The following SLC25A21 variants were observed in gnomAD, a reference collection of about 807,000 sequenced individuals.
SLC25A21 encodes the protein mitochondrial 2-oxodicarboxylate carrier.
In SLC25A21, 47 loss-of-function variants were observed where a neutral mutation model predicts 43.8. The observed-to-expected ratio is 1.07, with a 90% CI of 0.85 to 1.37. The LOEUF is 1.37. Ranked by LOEUF, SLC25A21 falls within the 40% of genes most tolerant of loss-of-function variation. The probability of loss-of-function intolerance (pLI) is 0.00; values close to 1 mark genes in which losing one functional copy is unlikely to be tolerated. For synonymous variants in SLC25A21, 131 were observed against 121.3 expected, an observed-to-expected ratio of 1.08 and a Z score of -0.52; for missense variants, 352 against 350.2, an observed-to-expected ratio of 1.00 and a Z score of -0.04.
chr14:37,099,714 A>G (rs946455224), intron 1 of SLC25A21, among the ~76,000 whole-genome samples: 4 of 152,146 alleles, frequency 2.6e-5, no homozygotes, highest in Non-Finnish European at 5.9e-5. Context: ...GGCAGGCTCC[A>G]TATTGGGAAC....
chr14:36,942,547 A>C (rs1208051454), intron 1 of SLC25A21, among the ~76,000 whole-genome samples: 1 of 152,228 alleles, frequency 6.6e-6, no homozygotes, highest in Admixed American at 6.5e-5. Flanking sequence ...TGGAGTAATT[A>C]ATCCTAACTA....
At chr14:37,132,897 AT>A (rs1963414955) in intron 1 of SLC25A21, among the ~76,000 whole-genome samples, 2 of 151,620 alleles carry the variant, frequency 1.3e-5, no homozygotes. Flanking sequence ...TACCAAGCTA[AT>A]TTTTGTATTT....
chr14:36,798,918 CAGAGAG>C (rs56836937), intron 3 of SLC25A21, among the ~76,000 whole-genome samples: 1 of 148,350 alleles, frequency 6.7e-6, no homozygotes, highest in African/African-American at 2.6e-5. Flanking sequence ...GAGAGAGAGA[CAGAGAG>C]AGAGAGAAAG....
intron 1 of SLC25A21, among the ~76,000 whole-genome samples, chr14:37,136,425 T>G (rs1963480563): frequency 6.6e-6 from 1 of 152,170 alleles, no homozygotes; most frequent in Non-Finnish European, 1.5e-5. Flanking sequence ...GGAAACATTT[T>G]TTTTCCTGTC....
intron 3 of SLC25A21, among the ~76,000 whole-genome samples, chr14:36,811,088 G>A (rs923563824): frequency 6.6e-6 from 1 of 152,098 alleles, no homozygotes; most frequent in Admixed American, 6.5e-5. Context: ...AGAGACCAGA[G>A]TGTGGCAAAC....
At chr14:36,704,229 G>A (rs1883400108) in intron 7 of SLC25A21, among the ~76,000 whole-genome samples, 1 of 152,216 alleles carries the variant, frequency 6.6e-6, no homozygotes, top group Non-Finnish European at 1.5e-5. Context: ...GGATACGAAA[G>A]GGAGGATCAG....
chr14:36,750,614 C>G (rs934307887), intron 3 of SLC25A21, among the ~76,000 whole-genome samples: 4 of 152,040 alleles, frequency 2.6e-5, no homozygotes, highest in African/African-American at 9.7e-5. Context: ...AATTCTTGGG[C>G]CTTATTTCCA....
chr14:36,841,142 C>T lies in SLC25A21; in HGVS notation c.120-27141G>A, dbSNP rs17105487. On this transcript the variant is annotated intron_variant, in intron 2 of 9. Transcript: ENST00000331299. ...AAGTATCAACATGCCCTTAGTTTGT[C>T]GATTACATGTAGTGTGTAAGGATTT... Among the ~76,000 whole-genome samples, 1,106 of 152,176 alleles carry T rather than the reference C, an allele frequency of 7.3e-3. 19 individuals carry two copies. Among genetic ancestry groups the T allele is most frequent in the African/African-American group, 0.025 (1,055 of 41,494 alleles).
chr14:37,118,525 C>G (rs914356885), intron 1 of SLC25A21, among the ~76,000 whole-genome samples: 3 of 152,192 alleles, frequency 2.0e-5, no homozygotes, highest in African/African-American at 7.2e-5. Context: ...TGCAGTTCCC[C>G]TGCCTTGATA....
At chr14:36,835,581 C>T (rs1217144397) in intron 2 of SLC25A21, among the ~76,000 whole-genome samples, 2 of 152,144 alleles carry the variant, frequency 1.3e-5, no homozygotes, top group Non-Finnish European at 2.9e-5. Context: ...AACGTTTAGC[C>T]CACAGAAGAG....
In SLC25A21 at chr14:36,679,508, A is replaced by C; in HGVS notation, c.*1150T>G. The C allele has an allele frequency of 1.0e-6, 1 of 985,422 alleles. No homozygotes were observed. Among genetic ancestry groups the C allele is most frequent in the East Asian group, 1.1e-4 (1 of 8,818 alleles). The allele number at this position is 985,422 out of a possible 1,614,324, so 61.0% of individuals were successfully genotyped here. On this transcript the variant is annotated 3_prime_UTR_variant, in exon 10 of 10. Transcript: ENST00000331299. ...TTTACTGAATCAGCATCATCTCTGGATGCAGATATAAAATCAAGTTTGGTT... is the reference window on the plus strand; with the variant it reads ...TTTACTGAATCAGCATCATCTCTGGCTGCAGATATAAAATCAAGTTTGGTT...
chr14:36,820,979 A>G (rs1411829819), intron 2 of SLC25A21, among the ~76,000 whole-genome samples: 1 of 152,240 alleles, frequency 6.6e-6, no homozygotes, highest in Middle Eastern at 3.2e-3. Flanking sequence ...AAGATTAAAT[A>G]AATAAAGATT....
At chr14:37,097,388 C>A (rs1962719538) in intron 1 of SLC25A21, among the ~76,000 whole-genome samples, 1 of 152,190 alleles carries the variant, frequency 6.6e-6, no homozygotes, top group South Asian at 2.1e-4. Flanking sequence ...ATGTGAGCCA[C>A]CGCACTCGGC....
intron 1 of SLC25A21, among the ~76,000 whole-genome samples, chr14:37,170,662 C>T (rs1049181623): frequency 6.6e-6 from 1 of 151,898 alleles, no homozygotes; most frequent in African/African-American, 2.4e-5. Context: ...GGTGGTGGCT[C>T]ACGCCTGTAG....
intron 2 of SLC25A21, among the ~76,000 whole-genome samples, chr14:36,869,656 G>T (rs145559294): frequency 3.6e-4 from 55 of 152,274 alleles, no homozygotes; most frequent in African/African-American, 1.3e-3. Flanking sequence ...GAGACTATAA[G>T]AACAGCTTCA....
At chr14:37,143,014 G>A (rs960911491) in intron 1 of SLC25A21, among the ~76,000 whole-genome samples, 1 of 152,162 alleles carries the variant, frequency 6.6e-6, no homozygotes, top group East Asian at 1.9e-4. Flanking sequence ...GGTAGTGACA[G>A]AATAACCACA....
chr14:36,776,541 C>G (rs1330723656), intron 3 of SLC25A21, among the ~76,000 whole-genome samples: 1 of 151,886 alleles, frequency 6.6e-6, no homozygotes, highest in Admixed American at 6.6e-5. Context: ...CGCGCCCGGC[C>G]CCAACTGCTT....
intron 1 of SLC25A21, among the ~76,000 whole-genome samples, chr14:36,975,397 G>T (rs1160399270): frequency 6.6e-6 from 1 of 152,120 alleles, no homozygotes; most frequent in Non-Finnish European, 1.5e-5. Context: ...ATTGTAAAAA[G>T]TCATTGGAAT....
chr14:36,715,501 C>G (rs559923300), intron 6 of SLC25A21, among the ~76,000 whole-genome samples: 1 of 152,240 alleles, frequency 6.6e-6, no homozygotes, highest in African/African-American at 2.4e-5. Context: ...AGCAGGTCAC[C>G]CACTAGCTCA....
Sources: gnomAD v4.1 joint callset for allele counts (sites outside exome capture counted in the v4.1 genomes callset) on GRCh38, gnomAD v4.1.1 for gene constraint, MANE v1.5 for transcripts, NCBI Gene and HGNC (gene_info 2026-07-23, HGNC 2026-07-21) for gene names.